The following PSTK variants were observed in gnomAD, a reference collection of about 807,000 sequenced individuals.
PSTK encodes the protein L-seryl-tRNA(Sec) kinase.
Under a neutral mutation model 38.6 loss-of-function variants are expected in PSTK, and 26 were observed. The ratio of observed to expected loss-of-function variants is 0.67; its 90% CI spans 0.49 to 0.94. The LOEUF (loss-of-function observed/expected upper bound fraction) is 0.94. Among genes scored for constraint, PSTK ranks in the 40% least tolerant of loss-of-function variants. The pLI is 0.00. For synonymous variants in PSTK, 181 were observed against 161.7 expected (o/e 1.12, Z -0.91); for missense variants, 445 against 436.3 (o/e 1.02, Z -0.18).
chr10:122,983,396 G>C lies in PSTK; in HGVS notation c.633G>C (p.Lys211Asn), dbSNP rs779673889. 3 of 1,614,198 alleles carry C rather than the reference G, an allele frequency of 1.9e-6. No homozygotes were observed. ...ACCTGATGGGAAGAAAGCTAGAAAA[G>C]CCCAACCCTGAGAAAAATGCTTGGG... ...TIHLMGRKLE[K>N]PNPEKNAWEH... is the part of the protein sequence containing the mutation. The change falls in exon 3 of 6, where the codon AAG becomes AAC. Residue 211 changes from lysine (K) to asparagine (N), a missense_variant. Coordinates refer to ENST00000406217, the MANE Select transcript of PSTK (RefSeq NM_001363531.2).
intron 4 of PSTK, 135 bp from the exon 5 acceptor site, chr10:122,986,734 T>C: frequency 1.6e-6 from 1 of 629,278 alleles, no homozygotes; most frequent in East Asian, 2.8e-5. Flanking sequence ...TTGGACTCTC[T>C]TGTAGGGAAG....
chr10:122,985,187 C>T (rs1427854730), intron 3 of PSTK: 8 of 152,376 alleles, frequency 5.3e-5, no homozygotes, highest in Admixed American at 5.2e-4. Context: ...TCTTTTCAGC[C>T]TTTCTCTTGC....
Position 122,983,441 on chromosome 10 carries a change from T to G in PSTK, c.678T>G (p.Ile226Met). Residue 226 changes from isoleucine to methionine, a missense_variant, in exon 3 of 6, where the codon ATT becomes ATG. Transcript: ENST00000406217. ...KNAWEHNSLTIPSPACASEAS... is the reference protein window; with the variant it reads ...KNAWEHNSLTMPSPACASEAS... ...CTTGGGAACACAACAGCCTCACAAT[T>G]CCGAGTCCAGCATGTGCTTCGGAGG... 1 of 1,613,658 alleles carries G rather than the reference T, an allele frequency of 6.2e-7. No individual in the cohort carries two copies. The highest frequency in any genetic ancestry group is 8.5e-7 in the Non-Finnish European group (1 of 1,180,004).
At chr10:122,983,092 C>A in intron 2 of PSTK, 68 bp downstream of exon 2, 1 of 1,407,812 alleles carries the variant, frequency 7.1e-7, no homozygotes, top group South Asian at 1.3e-5. Context: ...CTATTGTCTT[C>A]AATGAGAATT....
chr10:122,986,949 G>A lies in PSTK; in HGVS notation c.864G>A (p.Met288Ile), dbSNP rs1344105992. The A allele has an allele frequency of 1.2e-6, 2 of 1,608,346 alleles. No homozygotes were observed. The highest frequency in any genetic ancestry group is 2.7e-5 in the African/African-American group (2 of 74,848). Residue 288 changes from methionine (M) to isoleucine (I), a missense_variant, in exon 5 of 6, where the codon ATG becomes ATA. By Grantham distance (10) the Met-to-Ile change is conservative. Transcript: ENST00000406217. The part of the protein sequence containing the change: ...QTLRRIVSQT[M>I]KEAKDEQVLP... ...TCCGAAGGATTGTATCTCAGACAAT[G>A]AAGGAAGCAAAAGGTATGATGTGTC...
rs1231425509 is a variant in PSTK at position 122,980,723 on chromosome 10, C to CGCCGGGCGGG, written c.216+30_216+31insCGGGCGGGGC. The CGCCGGGCGGG allele has an allele frequency of 1.5e-6, 1 of 653,736 alleles. No homozygotes were observed. The highest frequency in any genetic ancestry group is 1.9e-6 in the Non-Finnish European group (1 of 526,798). The allele number at this position is 653,736 out of a possible 1,614,324, so 40.5% of individuals were successfully genotyped here. On this transcript the variant is annotated intron_variant, in intron 1 of 5. Coordinates refer to ENST00000406217, the MANE Select transcript of PSTK (RefSeq NM_001363531.2). The surrounding 1 kb of genome is among the most constrained non-coding windows in gnomAD (Gnocchi z 4.3). ...CAGCACGGAGGGGCGGGGCCTGGGC[C>CGCCGGGCGGG]GCGGGGCGGGGCGGGGCGGGGCGGG...
At chr10:122,989,419 T>G (rs10902854) in intron 5 of PSTK, among the ~76,000 whole-genome samples, 30,063 of 151,872 alleles carry the variant, frequency 0.2, 3,304 homozygotes, top group Middle Eastern at 0.27. Flanking sequence ...GCCCCGCTAA[T>G]TTTTGTATTT....
chr10:122,986,146 G>A lies in PSTK; in HGVS notation c.708-154G>A, dbSNP rs149628286. On this transcript the variant is annotated intron_variant, in intron 3 of 5. Coordinates refer to ENST00000406217, the MANE Select transcript of PSTK (RefSeq NM_001363531.2). ...TGAGGCAGGAGAATGGCGCAAATCC[G>A]GGAAGCAGAGCTTGCAGTGAGCAGA... 2,016 of 404,858 alleles carry A rather than the reference G, an allele frequency of 5.0e-3. 15 individuals are homozygous for A. The highest frequency in any genetic ancestry group is 7.2e-3 in the Non-Finnish European group (1,643 of 228,508). 25.1% of individuals were successfully genotyped at this position (404,858 alleles called of 1,614,324 possible). A position where few individuals can be genotyped will look rare whatever the true frequency, so the allele number is the denominator to read the frequency against.
Position 122,980,449 on chromosome 10 carries a change from C to T in PSTK, c.-31C>T, listed in dbSNP as rs1453030209. 1 of 1,558,514 alleles carries T rather than the reference C, an allele frequency of 6.4e-7. No individual in the cohort carries two copies. Among genetic ancestry groups the T allele is most frequent in the Non-Finnish European group, 8.7e-7 (1 of 1,155,876 alleles). ...GGCAGACGGTAGAGCGGAGACGACG[C>T]TCCCAGACTCCTCCGGTCTCCCCGG... On this transcript the variant is annotated 5_prime_UTR_variant, in exon 1 of 6. Coordinates refer to ENST00000406217, the MANE Select transcript of PSTK (RefSeq NM_001363531.2). The surrounding 1 kb of genome is among the most constrained non-coding windows in gnomAD (Gnocchi z 4.3).
intron 5 of PSTK, 146 bp from the exon 6 acceptor site, chr10:122,990,028 C>T: frequency 3.9e-6 from 2 of 516,694 alleles, no homozygotes; most frequent in Non-Finnish European, 6.7e-6. Flanking sequence ...ACATTGAGAC[C>T]TTTTTTCTAT....
At chr10:122,987,858 T>A (rs1327462957) in intron 5 of PSTK, among the ~76,000 whole-genome samples, 1 of 152,204 alleles carries the variant, frequency 6.6e-6, no homozygotes. Context: ...AATATTTGGG[T>A]AACCTGGGGT....
rs764325255 is a variant in PSTK, at chr10:122,982,886, A to G, written c.370A>G (p.Ile124Val). 2.4e-5 allele frequency: 39 copies of G among 1,614,222 alleles called. No individual in the cohort carries two copies. The highest frequency in any genetic ancestry group is 3.0e-5 in the Non-Finnish European group (35 of 1,180,036). Residue 124 changes from isoleucine to valine, a missense_variant, in exon 2 of 6, where the codon ATA becomes GTA. Coordinates refer to ENST00000406217, the MANE Select transcript of PSTK (RefSeq NM_001363531.2). Reference sequence around the variant, plus strand: ...AACCTGCTTAAAGGATCAAGATCTGATATTTTCTGCAGCATTTGAGGCCCA... The same window carrying G: ...AACCTGCTTAAAGGATCAAGATCTGGTATTTTCTGCAGCATTTGAGGCCCA... ...FITCLKDQDL[I>V]FSAAFEAQSC... is the part of the protein sequence containing the mutation.
In PSTK at chr10:122,986,277, A is replaced by G. The variant is rs745965499; in HGVS notation, c.708-23A>G. On this transcript the variant is annotated intron_variant, in intron 3 of 5. Transcript: ENST00000406217. ...GATGTTGGATATAAGGATCTATTGT[A>G]TTTTATCCCATTTTCTCTGTAGCCT... 36 of 1,470,916 alleles carry G rather than the reference A, an allele frequency of 2.4e-5. No homozygotes were observed. The South Asian group carries it at 4.2e-4, about 17-fold the overall frequency. 91.1% of individuals were successfully genotyped at this position (1,470,916 alleles called of 1,614,324 possible).
At position 122,980,439 on chromosome 10, in the gene PSTK, G is replaced by T; in HGVS notation, c.-41G>T. The stretch of plus-strand genomic sequence containing the variant: ...GTGCGCGCAGGGCAGACGGTAGAGC[G>T]GAGACGACGCTCCCAGACTCCTCCG... On this transcript the variant is annotated 5_prime_UTR_variant, in exon 1 of 6. Transcript: ENST00000406217. This position sits in a 1 kb window ranked among gnomAD's most constrained non-coding sequence, Gnocchi z 4.3. 6.5e-7 allele frequency: 1 copy of T among 1,532,930 alleles called. No homozygotes were observed. The highest frequency in any genetic ancestry group is 8.8e-7 in the Non-Finnish European group (1 of 1,141,336). 95.0% of individuals were successfully genotyped at this position (1,532,930 alleles called of 1,614,324 possible). A position where few individuals can be genotyped will look rare whatever the true frequency, so the allele number is the denominator to read the frequency against.
Position 122,980,802 on chromosome 10 carries a change from C to G in PSTK, c.216+107C>G, listed in dbSNP as rs945980355. The G allele has an allele frequency of 1.5e-5, 19 of 1,286,464 alleles. No individual in the cohort carries two copies. Among genetic ancestry groups the G allele is most frequent in the Non-Finnish European group, 1.9e-5 (19 of 1,022,748 alleles). The allele number at this position is 1,286,464 out of a possible 1,614,324, so 79.7% of individuals were successfully genotyped here. A position where few individuals can be genotyped will look rare whatever the true frequency, so the allele number is the denominator to read the frequency against. Reference sequence around the variant, plus strand: ...GTCCTGGGTGATTTGCCATGAGCGCCCATTGCTTGGTGTGGGAGGTGAAGT... The same window carrying G: ...GTCCTGGGTGATTTGCCATGAGCGCGCATTGCTTGGTGTGGGAGGTGAAGT... On this transcript the variant is annotated intron_variant, in intron 1 of 5. Coordinates refer to ENST00000406217, the MANE Select transcript of PSTK (RefSeq NM_001363531.2). The surrounding 1 kb of genome is among the most constrained non-coding windows in gnomAD (Gnocchi z 4.3).
intron 5 of PSTK, chr10:122,987,355 A>G (rs771462406): frequency 1.2e-6 from 2 of 1,614,022 alleles, no homozygotes; most frequent in East Asian, 4.5e-5. Context: ...GCCTTCTCAG[A>G]GATGACATTT....
chr10:122,986,763 C>T (rs78673124), intron 4 of PSTK, 106 bp from the exon 5 acceptor site: 5 of 698,672 alleles, frequency 7.2e-6, no homozygotes, highest in South Asian at 1.9e-5. Context: ...ACAGAAAAGC[C>T]GCTTAAACTT....
At chr10:122,986,785 C>A in intron 4 of PSTK, 84 bp from the exon 5 acceptor site, 1 of 869,092 alleles carries the variant, frequency 1.2e-6, no homozygotes, top group Non-Finnish European at 1.8e-6. Context: ...TCTTTTAGTC[C>A]TTTCAAATAC....
In PSTK at chr10:122,986,916, T is replaced by C; in HGVS notation, c.831T>C (p.Asp277=). The change falls in exon 5 of 6, where the codon GAT becomes GAC. Residue 277 remains aspartate (D), a synonymous_variant. Coordinates refer to ENST00000406217, the MANE Select transcript of PSTK (RefSeq NM_001363531.2). ...CAACTAACATTCTTCATAAAACTGATCAGACACTCCGAAGGATTGTATCTC... is the reference window on the plus strand; with the variant it reads ...CAACTAACATTCTTCATAAAACTGACCAGACACTCCGAAGGATTGTATCTC... ...ICSTNILHKT[D]QTLRRIVSQT... is the part of the protein sequence containing the mutation. The C allele has an allele frequency of 6.2e-7, 1 of 1,612,954 alleles. No homozygotes were observed.
Sources: gnomAD v4.1 joint callset for allele counts (sites outside exome capture counted in the v4.1 genomes callset) on GRCh38, gnomAD v4.1.1 for gene constraint, Gnocchi (gnomAD v3.1) non-coding constraint, MANE v1.5 for transcripts, NCBI Gene and HGNC (gene_info 2026-07-23, HGNC 2026-07-21) for gene names.